LAMP3: variants seen among roughly 807,000 people sequenced by gnomAD.
LAMP3 encodes the protein lysosome-associated membrane glycoprotein 3.
A neutral mutation model predicts 34.8 loss-of-function variants in LAMP3; 26 were observed. The observed-to-expected ratio is 0.75, with a 90% CI of 0.55 to 1.04. The LOEUF (loss-of-function observed/expected upper bound fraction) is 1.04, where lower values mean the gene tolerates loss of function less well. LAMP3 is among the 50% of genes least tolerant of loss of function. The pLI is 0.00. For synonymous variants in LAMP3, 180 were observed against 201.9 expected (o/e 0.89, Z 0.92); for missense variants, 495 against 524.0 (o/e 0.94, Z 0.54).
rs140475701 is a variant in LAMP3, at chr3:183,135,833, C to T, written c.1001G>A (p.Gly334Glu). The change falls in exon 5 of 6, where the codon GGG becomes GAG. Residue 334 changes from glycine to glutamate, a missense_variant. Transcript: ENST00000265598. Reference protein sequence around the residue: ...HAVVMFQTAVGHSFKCVSEQS... With the variant: ...HAVVMFQTAVEHSFKCVSEQS... ...TTCACTCACGCACTTGAAGGAATGC[C>T]CGACTGCTGTCTGGAACATCACCAC... is the stretch of plus-strand genomic sequence containing the variant. 1.9e-6 allele frequency: 3 copies of T among 1,613,768 alleles called. No homozygotes were observed. The highest frequency in any genetic ancestry group is 1.1e-5 in the South Asian group (1 of 91,088).
chr3:183,154,487 C>T (rs750961806), intron 1 of LAMP3, 96 bp from the exon 2 acceptor site: 2 of 929,198 alleles, frequency 2.2e-6, no homozygotes, highest in Non-Finnish European at 3.2e-6. Flanking sequence ...ATAAAAAAAC[C>T]TAACATGCAT....
chr3:183,149,557 AAAAAAAAAAAAAAAAAAATATATATAT>A (rs1720550947), intron 3 of LAMP3, among the ~76,000 whole-genome samples: 1 of 31,078 alleles, frequency 3.2e-5, no homozygotes, highest in Non-Finnish European at 7.7e-5. Context: ...AAAAAAAAAA[AAAAAAAAAAAAAAAAAAATATATATAT>A]ATATATATAT....
chr3:183,158,104 C>T (rs1720873713), intron 1 of LAMP3: 1 of 152,280 alleles, frequency 6.6e-6, no homozygotes, highest in Admixed American at 6.5e-5. Context: ...TCCTTCCCTC[C>T]TCTGGCCCTT....
chr3:183,124,724 C>A (rs1215857375), intron 5 of LAMP3, among the ~76,000 whole-genome samples: 1 of 152,046 alleles, frequency 6.6e-6, no homozygotes, highest in Admixed American at 6.6e-5. Flanking sequence ...CCCAGCTACT[C>A]GGGAGGCTGA....
At chr3:183,131,762 G>A (rs1414367821) in intron 5 of LAMP3, 2 of 318,748 alleles carry the variant, frequency 6.3e-6, no homozygotes, top group Non-Finnish European at 9.1e-6. Context: ...GGAAAATTTG[G>A]AAAAACAAGA....
At chr3:183,150,929 G>A (rs1465609708) in intron 3 of LAMP3, among the ~76,000 whole-genome samples, 5 of 152,086 alleles carry the variant, frequency 3.3e-5, no homozygotes, top group African/African-American at 2.4e-5. Flanking sequence ...TTTGTGTGAC[G>A]GTTGACATAT....
At chr3:183,156,364 A>AAACAACAAC (rs10663850) in intron 1 of LAMP3, among the ~76,000 whole-genome samples, 99,440 of 151,012 alleles carry the variant, frequency 0.66, 34,812 homozygotes, top group Non-Finnish European at 0.79. Context: ...GCTGTCTCAA[A>AAACAACAAC]AACAACAACA....
chr3:183,140,440 G>T, intron 4 of LAMP3, 98 bp downstream of exon 4: 1 of 318,598 alleles, frequency 3.1e-6, no homozygotes, highest in Non-Finnish European at 5.6e-6. Context: ...AAAAAAAAAA[G>T]CAGCATCAAA....
intron 3 of LAMP3, among the ~76,000 whole-genome samples, chr3:183,149,215 G>T (rs1388550297): frequency 6.6e-6 from 1 of 151,872 alleles, no homozygotes; most frequent in African/African-American, 2.4e-5. Context: ...GGTGGGGTGG[G>T]GGAAAAGGGG....
chr3:183,137,631 C>T (rs1320342051), intron 4 of LAMP3, among the ~76,000 whole-genome samples: 1 of 152,146 alleles, frequency 6.6e-6, no homozygotes, highest in Non-Finnish European at 1.5e-5. Flanking sequence ...TACTACCATC[C>T]CCACTAACAT....
Position 183,152,409 on chromosome 3 carries a change from A to G in LAMP3, c.854T>C (p.Phe285Ser). ...GTRKSNLLLN[F>S]QGGFVNLTFT... ...TGTGAGATTCACAAATCCGCCCTGA[A>G]AATTCAACAGAAGGTTGGATTTTCG... is the stretch of plus-strand genomic sequence containing the variant. Residue 285 changes from phenylalanine to serine, a missense_variant, in exon 3 of 6, where the codon TTT (phenylalanine) becomes TCT (serine). Physicochemically the swap from Phe to Ser is radical, Grantham distance 155. Coordinates refer to ENST00000265598, the MANE Select transcript of LAMP3 (RefSeq NM_014398.4). 6.2e-7 allele frequency: 1 copy of G among 1,612,756 alleles called. No individual in the cohort carries two copies. Among genetic ancestry groups the G allele is most frequent in the Non-Finnish European group, 8.5e-7 (1 of 1,179,520 alleles).
intron 4 of LAMP3, among the ~76,000 whole-genome samples, chr3:183,139,475 G>A (rs629478): frequency 0.62 from 93,904 of 151,496 alleles, 30,878 homozygotes; most frequent in Non-Finnish European, 0.74. Flanking sequence ...AAGACCCCCA[G>A]TGTACCAGTG....
At chr3:183,157,626 G>T (rs183771021) in intron 1 of LAMP3, among the ~76,000 whole-genome samples, 4 of 152,078 alleles carry the variant, frequency 2.6e-5, no homozygotes, top group Non-Finnish European at 1.5e-5. Flanking sequence ...CTTGCCAGTT[G>T]TTCTCTTGGG....
intron 3 of LAMP3, among the ~76,000 whole-genome samples, chr3:183,151,321 T>A (rs481410): frequency 0.88 from 133,500 of 152,158 alleles, 58,682 homozygotes; most frequent in Middle Eastern, 0.92. Context: ...GGGAGTGGGA[T>A]GACCAGCCCC....
chr3:183,126,518 T>C (rs1576866853), intron 5 of LAMP3, among the ~76,000 whole-genome samples: 1 of 150,518 alleles, frequency 6.6e-6, no homozygotes, highest in East Asian at 2.0e-4. Flanking sequence ...TTTTTGGGCA[T>C]GTAGTTCCTC....
In LAMP3 at chr3:183,135,883, T is replaced by G; in HGVS notation, c.951A>C (p.Thr317=). 2 of 1,612,752 alleles carry G rather than the reference T, an allele frequency of 1.2e-6. No homozygotes were observed. The highest frequency in any genetic ancestry group is 4.5e-5 in the East Asian group (2 of 44,874). ...CCGCATGTTTGATTCCTTGGTAAATTGTCTCTGAAAAGGTGACAGATAGAT... is the reference window on the plus strand; with the variant it reads ...CCGCATGTTTGATTCCTTGGTAAATGGTCTCTGAAAAGGTGACAGATAGAT... ...GAYLTVSDPE[T]IYQGIKHAVV... is the part of the protein sequence containing the mutation. Residue 317 remains threonine (T), a synonymous_variant, in exon 5 of 6, where the codon ACA becomes ACC. Transcript: ENST00000265598.
intron 1 of LAMP3, chr3:183,160,902 CAG>C (rs1489473541): frequency 1.3e-5 from 2 of 152,172 alleles, no homozygotes; most frequent in East Asian, 1.9e-4. Context: ...GCCTGGCATG[CAG>C]AGAGTGCCAG....
At chr3:183,144,952 T>C (rs77611354) in intron 3 of LAMP3, among the ~76,000 whole-genome samples, 10,425 of 152,150 alleles carry the variant, frequency 0.069, 409 homozygotes, top group East Asian at 0.16. Flanking sequence ...TCTGCAGCAT[T>C]GATTCCAGGA....
At position 183,162,687 on chromosome 3, in the gene LAMP3, G is replaced by C. The variant is rs1161585793; in HGVS notation, c.-32C>G. The C allele has an allele frequency of 2.7e-6, 4 of 1,501,370 alleles. No homozygotes were observed. In the South Asian group the frequency reaches 5.1e-5, roughly 19 times the overall value. 93.0% of individuals were successfully genotyped at this position (1,501,370 alleles called of 1,614,324 possible). A position where few individuals can be genotyped will look rare whatever the true frequency, so the allele number is the denominator to read the frequency against. ...CGCTGGGCGAGGTTCTGCAGCGTGCGGCGAAGTCCGGGCAGGCCCCGAATC... is the reference window on the plus strand; with the variant it reads ...CGCTGGGCGAGGTTCTGCAGCGTGCCGCGAAGTCCGGGCAGGCCCCGAATC... On this transcript the variant is annotated 5_prime_UTR_variant, in exon 1 of 6. Coordinates refer to ENST00000265598, the MANE Select transcript of LAMP3 (RefSeq NM_014398.4).
Sources: gnomAD v4.1 joint callset for allele counts (sites outside exome capture counted in the v4.1 genomes callset) on GRCh38, gnomAD v4.1.1 for gene constraint, MANE v1.5 for transcripts, NCBI Gene and HGNC (gene_info 2026-07-23, HGNC 2026-07-21) for gene names.